The following ITM2C variants were observed in gnomAD, a reference collection of about 807,000 sequenced individuals.
ITM2C encodes the protein integral membrane protein 2C.
In ITM2C, 20 loss-of-function variants were observed where a neutral mutation model predicts 30.0. That is an observed-to-expected ratio of 0.67 (90% CI 0.47 to 0.97). The LOEUF (loss-of-function observed/expected upper bound fraction) is 0.97. ITM2C is among the 50% of genes least tolerant of loss of function. ITM2C has a pLI of 0.00. For missense variants in ITM2C, 366 were observed against 371.9 expected (o/e 0.98, Z 0.13); for synonymous variants, 167 against 156.4 (o/e 1.07, Z -0.51).
chr2:230,868,055 C>A (rs1369954090), intron 1 of ITM2C, among the ~76,000 whole-genome samples: 1 of 151,820 alleles, frequency 6.6e-6, no homozygotes, highest in Non-Finnish European at 1.5e-5. Flanking sequence ...AGTTCTTGAC[C>A]TGTGTCCAGG....
At position 230,877,053 on chromosome 2, in the gene ITM2C, A is replaced by G; in HGVS notation, c.561+86A>G. ...TGGAGGCTAGGTCTGAGGTACAGGA[A>G]GTTCCTGTGTCAGGGGTTGGGGGAG... On this transcript the variant is annotated intron_variant, in intron 4 of 5. Transcript: ENST00000326427. The surrounding 1 kb of genome is among the most constrained non-coding windows in gnomAD (Gnocchi z 4.8). 1.0e-6 allele frequency: 1 copy of G among 974,032 alleles called. No individual in the cohort carries two copies. Among genetic ancestry groups the G allele is most frequent in the East Asian group, 2.4e-5 (1 of 41,826 alleles). 60.3% of individuals were successfully genotyped at this position (974,032 alleles called of 1,614,324 possible). A position where few individuals can be genotyped will look rare whatever the true frequency, so the allele number is the denominator to read the frequency against.
At chr2:230,873,201 T>TGG in intron 1 of ITM2C, 1 of 456,400 alleles carries the variant, frequency 2.2e-6, no homozygotes, top group Non-Finnish European at 3.8e-6. Context: ...GTGTGTCTCC[T>TGG]TTTCTCTTTC....
chr2:230,868,853 G>T (rs1469673541), intron 1 of ITM2C, among the ~76,000 whole-genome samples: 2 of 152,218 alleles, frequency 1.3e-5, no homozygotes, highest in Non-Finnish European at 1.5e-5. Context: ...CAGCGGCCCT[G>T]CTCCATCCAG....
rs1574601337 is a variant in ITM2C, at chr2:230,878,121, C to T, written c.*22C>T. The T allele has an allele frequency of 1.3e-6, 2 of 1,523,090 alleles. No individual in the cohort carries two copies. Among genetic ancestry groups the T allele is most frequent in the African/African-American group, 1.4e-5 (1 of 72,024 alleles). 94.3% of individuals were successfully genotyped at this position (1,523,090 alleles called of 1,614,324 possible). A position where few individuals can be genotyped will look rare whatever the true frequency, so the allele number is the denominator to read the frequency against. ...GTGAGGCCCTCCTCCCCCAGAACCC[C>T]CTGCCGTGTTCCTCTTTTCTTCTTT... On this transcript the variant is annotated 3_prime_UTR_variant, in exon 6 of 6. Transcript: ENST00000326427. This position sits in a 1 kb window ranked among gnomAD's most constrained non-coding sequence, Gnocchi z 4.5.
At position 230,865,271 on chromosome 2, in the gene ITM2C, G is replaced by C. The variant is rs547270263; in HGVS notation, c.120+126G>C. 1 of 1,035,784 alleles carries C rather than the reference G, an allele frequency of 9.7e-7. No homozygotes were observed. The highest frequency in any genetic ancestry group is 3.2e-5 in the South Asian group (1 of 31,272). 64.2% of individuals were successfully genotyped at this position (1,035,784 alleles called of 1,614,324 possible). On this transcript the variant is annotated intron_variant, in intron 1 of 5. Coordinates refer to ENST00000326427, the MANE Select transcript of ITM2C (RefSeq NM_030926.6). This position sits in a 1 kb window ranked among gnomAD's most constrained non-coding sequence, Gnocchi z 6.8. ...CCAGAGCCCGGGGTGGAGCAGGGTT[G>C]GGAAGTCTCGAATGGTTGCTTATCC...
At chr2:230,870,283 G>A (rs926676383) in intron 1 of ITM2C, among the ~76,000 whole-genome samples, 1 of 152,256 alleles carries the variant, frequency 6.6e-6, no homozygotes, top group Non-Finnish European at 1.5e-5. Flanking sequence ...GGATTTAGGA[G>A]TTCTGCCTCT....
At chr2:230,875,582 C>T in intron 2 of ITM2C, 38 bp from the exon 3 acceptor site, 1 of 1,555,348 alleles carries the variant, frequency 6.4e-7, no homozygotes, top group Non-Finnish European at 8.7e-7. Flanking sequence ...GTATGACCAG[C>T]CTCTCTGACT....
chr2:230,866,802 G>A (rs1697038583), intron 1 of ITM2C, among the ~76,000 whole-genome samples: 1 of 152,194 alleles, frequency 6.6e-6, no homozygotes, highest in African/African-American at 2.4e-5. Flanking sequence ...ACCTCTTCCT[G>A]GAGATATTTG....
chr2:230,875,539 C>A lies in ITM2C; in HGVS notation c.262-81C>A, dbSNP rs112163788. On this transcript the variant is annotated intron_variant, in intron 2 of 5. Coordinates refer to ENST00000326427, the MANE Select transcript of ITM2C (RefSeq NM_030926.6). ...GCAGGCTTTTGGGGCATGTAGCGGA[C>A]GGGTAGGCAAGAGGGGGCCTTACGG... 4.8e-6 allele frequency: 6 copies of A among 1,257,004 alleles called. No homozygotes were observed. In the Admixed American group the frequency reaches 1.1e-4, roughly 24 times the overall value. 77.9% of individuals were successfully genotyped at this position (1,257,004 alleles called of 1,614,324 possible). A position where few individuals can be genotyped will look rare whatever the true frequency, so the allele number is the denominator to read the frequency against.
intron 3 of ITM2C, among the ~76,000 whole-genome samples, chr2:230,876,633 C>T (rs891008740): frequency 4.6e-5 from 7 of 152,196 alleles, no homozygotes; most frequent in African/African-American, 1.7e-4. Context: ...AGGTGCCCAC[C>T]ACCACGCCTG....
intron 1 of ITM2C, among the ~76,000 whole-genome samples, chr2:230,873,050 A>G (rs1007928827): frequency 6.6e-6 from 1 of 151,942 alleles, no homozygotes; most frequent in African/African-American, 2.4e-5. Context: ...CACATCCCCT[A>G]TCTTCTGTTT....
At chr2:230,864,445 C>G (rs371832751), upstream of ITM2C, among the ~76,000 whole-genome samples, 7 of 152,274 alleles carry the variant, frequency 4.6e-5, no homozygotes, top group African/African-American at 1.4e-4. This position sits in a 1 kb window ranked among gnomAD's most constrained non-coding sequence, Gnocchi z 4.3. Flanking sequence ...GCGCCTGTCT[C>G]AAAGCCTCCT....
chr2:230,877,523 C>T lies in ITM2C; in HGVS notation c.685C>T (p.Arg229Trp), dbSNP rs777248671. Residue 229 changes from arginine to tryptophan, a missense_variant, in exon 5 of 6, where the codon CGG becomes TGG. Coordinates refer to ENST00000326427, the MANE Select transcript of ITM2C (RefSeq NM_030926.6). The surrounding 1 kb of genome is among the most constrained non-coding windows in gnomAD (Gnocchi z 4.8). ...CCTGTGCAACGGGAAAGACACCTAC[C>T]GGCTCCGGCGCCGGGCAACGCGGAG... is the stretch of plus-strand genomic sequence containing the variant. ...YHLCNGKDTYRLRRRATRRRI... is the reference protein window; with the variant it reads ...YHLCNGKDTYWLRRRATRRRI... 21 of 1,613,682 alleles carry T rather than the reference C, an allele frequency of 1.3e-5. No homozygotes were observed. Among genetic ancestry groups the T allele is most frequent in the East Asian group, 4.5e-5 (2 of 44,902 alleles).
rs78849169 is a variant in ITM2C, at chr2:230,866,485, G to A, written c.120+1340G>A. On this transcript the variant is annotated intron_variant, in intron 1 of 5. Coordinates refer to ENST00000326427, the MANE Select transcript of ITM2C (RefSeq NM_030926.6). ...TGAGTGAGGAATGCCAGGAGACTGA[G>A]AACCCCCTGCCCTTTTATGGTGGTC... Among the ~76,000 whole-genome samples, 33 of 152,206 alleles carry A rather than the reference G, an allele frequency of 2.2e-4. 1 individual carries two copies. In the East Asian group the frequency reaches 6.2e-3, roughly 29 times the overall value.
chr2:230,877,459 T>A lies in ITM2C; in HGVS notation c.621T>A (p.His207Gln), dbSNP rs940283515. Residue 207 changes from histidine to glutamine, a missense_variant, in exon 5 of 6, where the codon CAT becomes CAA. By Grantham distance (24) the His-to-Gln change is conservative. Coordinates refer to ENST00000326427, the MANE Select transcript of ITM2C (RefSeq NM_030926.6). The surrounding 1 kb of genome is among the most constrained non-coding windows in gnomAD (Gnocchi z 4.8). ...AGGAGGAGATGGTGGTCACGGAGCATGTCAGTGACAAGGAGGCCCTGGGGT... is the reference window on the plus strand; with the variant it reads ...AGGAGGAGATGGTGGTCACGGAGCAAGTCAGTGACAAGGAGGCCCTGGGGT... ...IIQEEMVVTEHVSDKEALGSF... is the reference protein window; with the variant it reads ...IIQEEMVVTEQVSDKEALGSF... The A allele has an allele frequency of 6.2e-7, 1 of 1,613,714 alleles. No homozygotes were observed.
chr2:230,864,865 C>T, upstream of ITM2C: 4 of 934,226 alleles, frequency 4.3e-6, no homozygotes, highest in South Asian at 5.5e-5. This position sits in a 1 kb window ranked among gnomAD's most constrained non-coding sequence, Gnocchi z 4.3. Context: ...GCGCCGGGGC[C>T]CTCCCGCGGG....
Position 230,878,772 on chromosome 2 carries a change from AC to A in ITM2C, c.*678del. 1.3e-5 allele frequency: 2 copies of A among 153,542 alleles called. No homozygotes were observed. The highest frequency in any genetic ancestry group is 2.9e-5 in the Non-Finnish European group (2 of 69,212). 9.5% of individuals were successfully genotyped at this position (153,542 alleles called of 1,614,324 possible). On this transcript the variant is annotated 3_prime_UTR_variant, in exon 6 of 6. Transcript: ENST00000326427. This position sits in a 1 kb window ranked among gnomAD's most constrained non-coding sequence, Gnocchi z 4.5. ...GGAACCAAAGAAGCAAGGAGCTAGG[AC>A]CCCCAGTCCTGCCCCCCAGGAGCAC...
rs1574601053 is a variant in ITM2C, at chr2:230,877,989, T to G, written c.713-19T>G. 6.2e-7 allele frequency: 1 copy of G among 1,606,984 alleles called. No homozygotes were observed. Among genetic ancestry groups the G allele is most frequent in the Non-Finnish European group, 8.5e-7 (1 of 1,174,450 alleles). On this transcript the variant is annotated intron_variant, in intron 5 of 5. Transcript: ENST00000326427. The surrounding 1 kb of genome is among the most constrained non-coding windows in gnomAD (Gnocchi z 4.8). ...AGCCAGGATGCAGGGCTCACTGGGG[T>G]TTTTCTTTTTCCTCCCAGGGATCAA... is the stretch of plus-strand genomic sequence containing the variant.
upstream of ITM2C, chr2:230,864,705 C>CGAGTGAGTGAGT (rs201769471): frequency 3.7e-4 from 59 of 158,594 alleles, no homozygotes; most frequent in East Asian, 7.7e-3. This position sits in a 1 kb window ranked among gnomAD's most constrained non-coding sequence, Gnocchi z 4.3. Context: ...AATGAGTGAG[C>CGAGTGAGTGAGT]GAGTGAGTGA....
Sources: allele counts gnomAD v4.1 joint callset (sites outside exome capture counted in the v4.1 genomes callset), GRCh38; gene constraint gnomAD v4.1.1; non-coding constraint Gnocchi (gnomAD v3.1); transcripts MANE v1.5; gene names NCBI Gene and HGNC (gene_info 2026-07-23, HGNC 2026-07-21).